IL16: variants seen among roughly 807,000 people sequenced by gnomAD.
The protein encoded by IL16 is interleukin 16.
IL16 carries 67 observed loss-of-function variants against 110.1 expected under a neutral mutation model. The ratio of observed to expected loss-of-function variants is 0.61; its 90% CI spans 0.50 to 0.75. IL16 has a LOEUF of 0.75. IL16 is among the 30% of genes least tolerant of loss of function. The pLI is 0.00. For synonymous variants in IL16, 689 were observed against 662.9 expected (o/e 1.04, Z -0.61); for missense variants, 1,545 against 1,655.0 (o/e 0.93, Z 1.15).
intron 16 of IL16, chr15:81,305,685 C>A: frequency 1.7e-6 from 1 of 579,786 alleles, no homozygotes; most frequent in Non-Finnish European, 3.1e-6. Flanking sequence ...GGGATGGATT[C>A]TGAGGGCTTA....
chr15:81,205,307 A>AGACTCCATCTC, intron 1 of IL16, among the ~76,000 whole-genome samples: 2 of 60,382 alleles, frequency 3.3e-5, no homozygotes, highest in East Asian at 4.4e-3. Context: ...CTCCATCTCA[A>AGACTCCATCTC]AAAAAAAAAA....
intron 1 of IL16, among the ~76,000 whole-genome samples, chr15:81,209,381 C>T (rs1331292672): frequency 4.6e-5 from 7 of 152,048 alleles, no homozygotes; most frequent in African/African-American, 1.2e-4. Context: ...GATATGGGCT[C>T]GCAGGGGCTT....
rs148453439 is a variant in IL16, at chr15:81,268,188, C to T, written c.565-1350C>T. 8.1e-3 allele frequency among the ~76,000 whole-genome samples: 1,231 copies of T among 152,276 alleles called. 6 individuals carry two copies. The highest frequency in any genetic ancestry group is 0.013 in the Non-Finnish European group (857 of 68,020). On this transcript the variant is annotated intron_variant, in intron 4 of 18. Transcript: ENST00000683961. ...ATTTCCTGGGTGACTTTGGAGAGAG[C>T]GGCCCATCAGGTGTGGGCAACTGCA...
At chr15:81,248,707 T>TTTTCTTTC (rs201348965) in intron 2 of IL16, among the ~76,000 whole-genome samples, 1 of 130,508 alleles carries the variant, frequency 7.7e-6, no homozygotes. Flanking sequence ...CTGTGATTTT[T>TTTTCTTTC]TTTCTTTCTT....
intron 5 of IL16, among the ~76,000 whole-genome samples, chr15:81,271,141 G>A (rs908418955): frequency 2.6e-5 from 4 of 152,078 alleles, no homozygotes; most frequent in Non-Finnish European, 4.4e-5. Context: ...TTTTATAGAC[G>A]TGCAGCCGGG....
rs551344942 is a variant in IL16 at position 81,202,553 on chromosome 15, C to G, written c.-102+5401C>G. Among the ~76,000 whole-genome samples the G allele has an allele frequency of 7.5e-4, 113 of 150,848 alleles. No homozygotes were observed. In the South Asian group the frequency reaches 0.02, roughly 27 times the overall value. The stretch of plus-strand genomic sequence containing the variant: ...ATGTGTTCTCATTGTTCAATTCCAC[C>G]TATGAGTGAGAACATGCAGTGTTTG... On this transcript the variant is annotated intron_variant, in intron 1 of 18. Coordinates refer to ENST00000683961, the MANE Select transcript of IL16 (RefSeq NM_172217.5).
At chr15:81,243,163 ATTTTTT>A (rs1219851899) in intron 2 of IL16, among the ~76,000 whole-genome samples, 369 of 14,820 alleles carry the variant, frequency 0.025, no homozygotes, top group African/African-American at 0.073. Flanking sequence ...ATATATATAT[ATTTTTT>A]TTTTTTTTTT....
chr15:81,225,347 C>G lies in IL16; in HGVS notation c.-53C>G. On this transcript the variant is annotated 5_prime_UTR_variant, in exon 2 of 19. Transcript: ENST00000683961. ...CCCTGTCCAGTGGCCACCCGTCAGC[C>G]AAGGGCCAGAGACCAGGAAAGGAAG... is the stretch of plus-strand genomic sequence containing the variant. 1.3e-6 allele frequency: 2 copies of G among 1,592,132 alleles called. No homozygotes were observed. Among genetic ancestry groups the G allele is most frequent in the South Asian group, 2.3e-5 (2 of 88,822 alleles).
At chr15:81,209,026 TATG>T (rs770223300) in intron 1 of IL16, among the ~76,000 whole-genome samples, 2 of 152,172 alleles carry the variant, frequency 1.3e-5, no homozygotes, top group African/African-American at 2.4e-5. Flanking sequence ...GCTTGATAAA[TATG>T]ATGATGATTA....
At chr15:81,233,457 TTC>T (rs912384849) in intron 2 of IL16, among the ~76,000 whole-genome samples, 10 of 128,198 alleles carry the variant, frequency 7.8e-5, no homozygotes, top group African/African-American at 3.1e-4. Context: ...TGTCTTCTCT[TTC>T]TGTGTGTGTG....
intron 16 of IL16, among the ~76,000 whole-genome samples, chr15:81,305,185 C>A (rs1001946422): frequency 2.6e-5 from 4 of 152,166 alleles, no homozygotes; most frequent in African/African-American, 9.7e-5. Flanking sequence ...CCCCATAATA[C>A]CCTGCCAATA....
chr15:81,256,373 A>G (rs6495556), intron 2 of IL16, among the ~76,000 whole-genome samples: 34,285 of 143,768 alleles, frequency 0.24, 4,630 homozygotes, highest in African/African-American at 0.38. Flanking sequence ...TCGCTCTGTC[A>G]CCCAGGCTGA....
chr15:81,208,142 T>C (rs1436446214), intron 1 of IL16, among the ~76,000 whole-genome samples: 1 of 152,228 alleles, frequency 6.6e-6, no homozygotes, highest in Non-Finnish European at 1.5e-5. Context: ...TAAGCATTTT[T>C]TCATATATTT....
intron 1 of IL16, among the ~76,000 whole-genome samples, chr15:81,216,815 C>G (rs144843585): frequency 1.3e-5 from 2 of 152,266 alleles, no homozygotes; most frequent in East Asian, 3.9e-4. Flanking sequence ...TCCTTACAGC[C>G]TTGCAGCCAA....
chr15:81,205,075 G>A (rs998574279), intron 1 of IL16, among the ~76,000 whole-genome samples: 1 of 152,140 alleles, frequency 6.6e-6, no homozygotes, highest in African/African-American at 2.4e-5. Context: ...GGGGGGCCAA[G>A]GTGGGTGGAT....
At chr15:81,226,866 A>T (rs992873809) in intron 2 of IL16, among the ~76,000 whole-genome samples, 1 of 152,192 alleles carries the variant, frequency 6.6e-6, no homozygotes, top group Admixed American at 6.5e-5. Context: ...AGTCAAATTT[A>T]TTAGTGACAT....
chr15:81,267,323 G>A (rs1334603994), intron 4 of IL16, among the ~76,000 whole-genome samples: 1 of 152,168 alleles, frequency 6.6e-6, no homozygotes, highest in Non-Finnish European at 1.5e-5. Context: ...TCAGGAGATT[G>A]GCAGTGTTTT....
At chr15:81,295,454 G>A (rs1165640065) in intron 12 of IL16, 25 of 1,289,308 alleles carry the variant, frequency 1.9e-5, no homozygotes, top group Non-Finnish European at 2.5e-5. Flanking sequence ...ATCACATGTG[G>A]CTGCCTGTAA....
At chr15:81,196,199 A>G (rs1351548819), upstream of IL16, among the ~76,000 whole-genome samples, 5 of 152,210 alleles carry the variant, frequency 3.3e-5, no homozygotes, top group South Asian at 6.2e-4. Flanking sequence ...ACAGACAAGA[A>G]ATGAAATGCT....
Sources: allele counts gnomAD v4.1 joint callset (sites outside exome capture counted in the v4.1 genomes callset), GRCh38; gene constraint gnomAD v4.1.1; transcripts MANE v1.5; gene names NCBI Gene and HGNC (gene_info 2026-07-23, HGNC 2026-07-21).